Variants in ATF6 observed in about 807,000 individuals in gnomAD.
The protein encoded by ATF6 is cyclic AMP-dependent transcription factor ATF-6 alpha.
Under a neutral mutation model 83.6 loss-of-function variants are expected in ATF6, and 53 were observed. The ratio of observed to expected loss-of-function variants is 0.63; its 90% confidence interval spans 0.51 to 0.80. The LOEUF is 0.80. Among genes scored for constraint, ATF6 ranks in the 30% least tolerant of loss-of-function variants. The probability of loss-of-function intolerance (pLI) is 0.00; values close to 1 mark genes in which losing one functional copy is unlikely to be tolerated. For missense variants in ATF6, 744 were observed against 797.9 expected, an observed-to-expected ratio of 0.93 and a Z score of 0.81; for synonymous variants, 288 against 285.8, an observed-to-expected ratio of 1.01 and a Z score of -0.08.
intron 6 of ATF6, among the ~76,000 whole-genome samples, chr1:161,796,809 A>T (rs759584318): frequency 6.6e-6 from 1 of 152,122 alleles, no homozygotes; most frequent in Non-Finnish European, 1.5e-5. Context: ...GAATTATATC[A>T]TCTGTGTGAG....
At chr1:161,821,851 AG>A (rs1685770443) in intron 9 of ATF6, among the ~76,000 whole-genome samples, 1 of 152,172 alleles carries the variant, frequency 6.6e-6, no homozygotes, top group South Asian at 2.1e-4. Context: ...AAGACTATTG[AG>A]GTGTTTCAGG....
intron 14 of ATF6, among the ~76,000 whole-genome samples, chr1:161,873,561 A>C (rs144369644): frequency 6.6e-6 from 1 of 151,746 alleles, no homozygotes; most frequent in East Asian, 1.9e-4. Flanking sequence ...AGCAAATCTA[A>C]ACACTGACAG....
At chr1:161,863,341 A>G in intron 14 of ATF6, 29 bp downstream of exon 14, 1 of 1,461,002 alleles carries the variant, frequency 6.8e-7, no homozygotes, top group Non-Finnish European at 9.6e-7. Flanking sequence ...AATAGAGCAA[A>G]TATTTTTGAG....
At chr1:161,933,976 A>G (rs896571432) in intron 15 of ATF6, among the ~76,000 whole-genome samples, 1 of 152,226 alleles carries the variant, frequency 6.6e-6, no homozygotes, top group Non-Finnish European at 1.5e-5. Context: ...ACTCTTCACA[A>G]TACAGCAGGG....
At chr1:161,923,799 G>T (rs1688260031) in intron 15 of ATF6, among the ~76,000 whole-genome samples, 1 of 152,182 alleles carries the variant, frequency 6.6e-6, no homozygotes, top group Non-Finnish European at 1.5e-5. Context: ...GGAGCCAGTT[G>T]CTGAGCCCCC....
At chr1:161,947,614 A>G (rs1246937327) in intron 15 of ATF6, among the ~76,000 whole-genome samples, 1 of 152,184 alleles carries the variant, frequency 6.6e-6, no homozygotes, top group Non-Finnish European at 1.5e-5. Context: ...CCATTTTATA[A>G]TAATTCAAAA....
At chr1:161,904,447 G>C (rs931021571) in intron 14 of ATF6, among the ~76,000 whole-genome samples, 1 of 152,062 alleles carries the variant, frequency 6.6e-6, no homozygotes, top group African/African-American at 2.4e-5. Context: ...AATTAGCTGG[G>C]CATGGTGGCG....
intron 6 of ATF6, among the ~76,000 whole-genome samples, chr1:161,800,417 C>T (rs1345440808): frequency 6.6e-6 from 1 of 152,194 alleles, no homozygotes; most frequent in Non-Finnish European, 1.5e-5. Context: ...TTGTCACTAT[C>T]TCCTGTGGAC....
At chr1:161,850,154 A>G (rs1686582050) in intron 10 of ATF6, among the ~76,000 whole-genome samples, 2 of 152,150 alleles carry the variant, frequency 1.3e-5, no homozygotes, top group Non-Finnish European at 2.9e-5. Flanking sequence ...TATGAATGTA[A>G]ATTGAAATAT....
intron 9 of ATF6, among the ~76,000 whole-genome samples, chr1:161,823,309 C>T (rs894742635): frequency 1.3e-5 from 2 of 152,024 alleles, no homozygotes; most frequent in African/African-American, 4.8e-5. Context: ...AAGAGTGGTA[C>T]TACTTTATAG....
intron 12 of ATF6, 64 bp downstream of exon 12, chr1:161,853,387 G>A: frequency 4.0e-6 from 5 of 1,260,300 alleles, no homozygotes; most frequent in Admixed American, 1.9e-5. Flanking sequence ...TCCCAGCTGG[G>A]TTACTCTCTT....
At chr1:161,845,457 A>G (rs1686462263) in intron 9 of ATF6, among the ~76,000 whole-genome samples, 2 of 152,140 alleles carry the variant, frequency 1.3e-5, no homozygotes, top group African/African-American at 4.8e-5. Flanking sequence ...GTTCCTAAGC[A>G]CTATTAATGA....
At chr1:161,906,327 C>T (rs376389032) in intron 14 of ATF6, among the ~76,000 whole-genome samples, 4 of 151,978 alleles carry the variant, frequency 2.6e-5, no homozygotes, top group East Asian at 1.9e-4. Context: ...ACTGTCTTAT[C>T]GGAAAGTATT....
intron 9 of ATF6, among the ~76,000 whole-genome samples, chr1:161,831,620 AAAT>A (rs1043015918): frequency 8.5e-5 from 13 of 152,160 alleles, no homozygotes; most frequent in Non-Finnish European, 1.9e-4. Context: ...CAGCCATAAA[AAAT>A]GATGAGTTCA....
chr1:161,812,116 G>A (rs961057442), intron 7 of ATF6, among the ~76,000 whole-genome samples: 3 of 151,988 alleles, frequency 2.0e-5, no homozygotes. Context: ...TATGTGCCAG[G>A]CACTTTTCTA....
chr1:161,792,048 G>A, intron 5 of ATF6, 76 bp from the exon 6 acceptor site: 8 of 1,190,722 alleles, frequency 6.7e-6, no homozygotes, highest in Non-Finnish European at 9.9e-6. Context: ...AGAGAAAGGT[G>A]TGTGATAGAA....
chr1:161,919,561 T>C (rs1338586761), intron 15 of ATF6, among the ~76,000 whole-genome samples: 3 of 152,232 alleles, frequency 2.0e-5, no homozygotes, highest in Non-Finnish European at 4.4e-5. Flanking sequence ...TTTGTAGATA[T>C]CTTTCATAGG....
Position 161,957,319 on chromosome 1 carries a change from C to T in ATF6, c.1805-1127C>T, listed in dbSNP as rs574598632. Among the ~76,000 whole-genome samples, 424 of 152,270 alleles carry T rather than the reference C, an allele frequency of 2.8e-3. 8 individuals carry two copies. The highest frequency in any genetic ancestry group is 7.3e-4 in the Non-Finnish European group (50 of 68,028). Reference sequence around the variant, plus strand: ...CAGTACAGAACTAGGTTGTTGCCGGCAGTTCTTCCCCAGCCCCACACCCCG... The same window carrying T: ...CAGTACAGAACTAGGTTGTTGCCGGTAGTTCTTCCCCAGCCCCACACCCCG... On this transcript the variant is annotated intron_variant, in intron 15 of 15. Coordinates refer to ENST00000367942, the MANE Select transcript of ATF6 (RefSeq NM_007348.4).
intron 15 of ATF6, among the ~76,000 whole-genome samples, chr1:161,940,822 A>C (rs891171350): frequency 8.5e-5 from 13 of 152,056 alleles, no homozygotes; most frequent in Non-Finnish European, 1.8e-4. Flanking sequence ...TCGGCCTCCC[A>C]AAGTGCTGGG....
Sources: allele counts gnomAD v4.1 joint callset (sites outside exome capture counted in the v4.1 genomes callset), GRCh38; gene constraint gnomAD v4.1.1; transcripts MANE v1.5; gene names NCBI Gene and HGNC (gene_info 2026-07-23, HGNC 2026-07-21).